The following HCN1 variants were observed in gnomAD, a reference collection of about 807,000 sequenced individuals.
The protein encoded by HCN1 is potassium/sodium hyperpolarization-activated cyclic nucleotide-gated channel 1.
A neutral mutation model predicts 78.9 loss-of-function variants in HCN1; 13 were observed. The observed-to-expected ratio is 0.16, with a 90% CI of 0.11 to 0.26. The LOEUF (loss-of-function observed/expected upper bound fraction) is 0.26, where lower values mean the gene tolerates loss of function less well. Among genes scored for constraint, HCN1 ranks in the 10% least tolerant of loss-of-function variants. The pLI is 1.00. For synonymous variants in HCN1, 552 were observed against 455.5 expected (o/e 1.21, Z -2.70); for missense variants, 810 against 1,154.3 (o/e 0.70, Z 4.32).
At chr5:45,468,067 T>C (rs1484461567) in intron 2 of HCN1, among the ~76,000 whole-genome samples, 1 of 152,094 alleles carries the variant, frequency 6.6e-6, no homozygotes, top group Admixed American at 6.6e-5. Context: ...AGATGTTTCA[T>C]AGCTACTCTG....
chr5:45,651,305 T>C (rs989347832), intron 1 of HCN1, among the ~76,000 whole-genome samples: 26 of 152,176 alleles, frequency 1.7e-4, no homozygotes, highest in African/African-American at 5.8e-4. Context: ...ACAGCCATAG[T>C]GTGCTGCTTC....
Position 45,435,826 on chromosome 5 carries a change from C to A in HCN1, c.1011+26020G>T, listed in dbSNP as rs560759385. On this transcript the variant is annotated intron_variant, in intron 3 of 7. Coordinates refer to ENST00000303230, the MANE Select transcript of HCN1 (RefSeq NM_021072.4). ...TACTAGAGATAAACTCACAAAAACA[C>A]CACAAAATTAGTAATTATGACAGAA... is the stretch of plus-strand genomic sequence containing the variant. Among the ~76,000 whole-genome samples the A allele has an allele frequency of 1.1e-4, 17 of 152,188 alleles. No homozygotes were observed. The East Asian group carries it at 1.7e-3, about 16-fold the overall frequency.
intron 2 of HCN1, among the ~76,000 whole-genome samples, chr5:45,549,445 T>C (rs1462192513): frequency 1.8e-4 from 27 of 152,180 alleles, no homozygotes; most frequent in Non-Finnish European, 2.9e-4. Flanking sequence ...GCTAGCCATA[T>C]GTAGAAAGCT....
chr5:45,273,123 G>A (rs543046251), intron 6 of HCN1, among the ~76,000 whole-genome samples: 5 of 151,744 alleles, frequency 3.3e-5, no homozygotes, highest in Admixed American at 1.3e-4. Context: ...AAGTAATGGG[G>A]ACTTAGCGTA....
chr5:45,333,263 C>A (rs1361685418), intron 5 of HCN1, among the ~76,000 whole-genome samples: 1 of 151,606 alleles, frequency 6.6e-6, no homozygotes, highest in African/African-American at 2.4e-5. Flanking sequence ...TTTTCATATG[C>A]CCGTTTGCCA....
At chr5:45,410,601 C>T (rs1000424637) in intron 3 of HCN1, among the ~76,000 whole-genome samples, 1 of 152,024 alleles carries the variant, frequency 6.6e-6, no homozygotes, top group Non-Finnish European at 1.5e-5. Flanking sequence ...TCAGCAACAA[C>T]GCATGTTCCT....
chr5:45,389,357 T>C (rs1221461738), intron 4 of HCN1, among the ~76,000 whole-genome samples: 4 of 152,170 alleles, frequency 2.6e-5, no homozygotes, highest in African/African-American at 7.2e-5. Flanking sequence ...CAGTATTCCA[T>C]ATGAATCAAG....
intron 4 of HCN1, among the ~76,000 whole-genome samples, chr5:45,386,570 A>G (rs1400188646): frequency 6.6e-6 from 1 of 152,100 alleles, no homozygotes; most frequent in African/African-American, 2.4e-5. Flanking sequence ...ACAAAGTTCA[A>G]AGGTGGAGCT....
chr5:45,375,215 T>C (rs1401391974), intron 4 of HCN1, among the ~76,000 whole-genome samples: 1 of 121,106 alleles, frequency 8.3e-6, no homozygotes, highest in Non-Finnish European at 1.6e-5. Context: ...TTATAATATA[T>C]AATATAATAT....
chr5:45,659,082 T>G (rs1358298526), intron 1 of HCN1, among the ~76,000 whole-genome samples: 1 of 152,030 alleles, frequency 6.6e-6, no homozygotes, highest in African/African-American at 2.4e-5. Context: ...GACCAGTGGT[T>G]CTCCCAGCAC....
At chr5:45,297,299 C>T (rs1745516767) in intron 6 of HCN1, among the ~76,000 whole-genome samples, 1 of 152,102 alleles carries the variant, frequency 6.6e-6, no homozygotes, top group Admixed American at 6.6e-5. Context: ...GGTTTCCACC[C>T]TGGGCGGGCC....
At chr5:45,296,680 A>G (rs1053557449) in intron 6 of HCN1, among the ~76,000 whole-genome samples, 5 of 151,896 alleles carry the variant, frequency 3.3e-5, no homozygotes, top group Non-Finnish European at 7.4e-5. Flanking sequence ...TAGCTCTTGG[A>G]AAATATATTT....
At chr5:45,549,818 C>G (rs1161806880) in intron 2 of HCN1, among the ~76,000 whole-genome samples, 1 of 152,032 alleles carries the variant, frequency 6.6e-6, no homozygotes, top group Non-Finnish European at 1.5e-5. Context: ...GCAAACAACC[C>G]CATCAAAAAG....
intron 1 of HCN1, among the ~76,000 whole-genome samples, chr5:45,652,860 A>G (rs1006378711): frequency 2.0e-5 from 3 of 151,850 alleles, no homozygotes; most frequent in Admixed American, 6.6e-5. Context: ...GCCCAGCTCT[A>G]TATCTTCCCT....
intron 3 of HCN1, among the ~76,000 whole-genome samples, chr5:45,455,914 T>C (rs1039576692): frequency 1.3e-5 from 2 of 151,860 alleles, no homozygotes; most frequent in African/African-American, 4.8e-5. Context: ...CTAGAAAATA[T>C]GGAAAGCACG....
At chr5:45,579,871 C>G (rs1318360498) in intron 2 of HCN1, among the ~76,000 whole-genome samples, 4 of 151,988 alleles carry the variant, frequency 2.6e-5, no homozygotes, top group Admixed American at 2.0e-4. Context: ...ATTTCTCTTC[C>G]TGGTAAAAGA....
intron 2 of HCN1, among the ~76,000 whole-genome samples, chr5:45,561,295 C>A (rs1385622197): frequency 6.6e-6 from 1 of 151,780 alleles, no homozygotes; most frequent in African/African-American, 2.4e-5. Context: ...TCATTGAATC[C>A]TCCTGAGTGT....
rs545363406 is a variant in HCN1, at chr5:45,342,042, C to T, written c.1377+11058G>A. Among the ~76,000 whole-genome samples the T allele has an allele frequency of 8.5e-5, 13 of 152,146 alleles. No homozygotes were observed. The East Asian group carries it at 9.7e-4, about 11-fold the overall frequency. On this transcript the variant is annotated intron_variant, in intron 5 of 7. Coordinates refer to ENST00000303230, the MANE Select transcript of HCN1 (RefSeq NM_021072.4). ...TCAGTGAATAATGTGAACCAGATTG[C>T]GTTGACATGGTTAAATTCCCAGGAC...
chr5:45,470,612 CA>C (rs1741371650), intron 2 of HCN1, among the ~76,000 whole-genome samples: 1 of 151,776 alleles, frequency 6.6e-6, no homozygotes, highest in Admixed American at 6.6e-5. Flanking sequence ...CCTTAAGTGC[CA>C]AAAATACTTA....
Sources: gnomAD v4.1 joint callset for allele counts (sites outside exome capture counted in the v4.1 genomes callset) on GRCh38, gnomAD v4.1.1 for gene constraint, MANE v1.5 for transcripts, NCBI Gene and HGNC (gene_info 2026-07-23, HGNC 2026-07-21) for gene names.